CD96: variants seen among roughly 807,000 people sequenced by gnomAD.
CD96 encodes the protein T-cell surface protein tactile.
In CD96, 70 loss-of-function variants were observed where a neutral mutation model predicts 71.3. That is an observed-to-expected ratio of 0.98 (90% CI 0.81 to 1.20). The LOEUF (loss-of-function observed/expected upper bound fraction) is 1.20. Ranked by LOEUF, CD96 falls within the 50% of genes most tolerant of loss-of-function variation. The pLI, the probability that CD96 is intolerant of heterozygous loss-of-function variation, is 0.00. For synonymous variants in CD96, 248 were observed against 233.0 expected, an observed-to-expected ratio of 1.06 and a Z score of -0.59; for missense variants, 742 against 677.5, an observed-to-expected ratio of 1.10 and a Z score of -1.06.
chr3:111,617,749 G>A (rs757397743), intron 8 of CD96, among the ~76,000 whole-genome samples: 2 of 152,146 alleles, frequency 1.3e-5, no homozygotes, highest in Non-Finnish European at 2.9e-5. Flanking sequence ...CAAGAACTTG[G>A]GACCTACTGA....
At chr3:111,628,699 G>A (rs1442808611) in intron 10 of CD96, among the ~76,000 whole-genome samples, 1 of 152,060 alleles carries the variant, frequency 6.6e-6, no homozygotes, top group Non-Finnish European at 1.5e-5. Flanking sequence ...TCATTCCCAA[G>A]ACACATAATC....
chr3:111,576,875 GCT>G (rs1936243708), intron 3 of CD96, among the ~76,000 whole-genome samples: 4 of 152,060 alleles, frequency 2.6e-5, no homozygotes, highest in Admixed American at 2.6e-4. Context: ...CCTCCCATTT[GCT>G]CTGTGAAGGC....
rs1273837488 is a variant in CD96, at chr3:111,604,733, T to C, written c.1088-1967T>C. ...GTGGAAACTGAGCATAACGCACCAA[T>C]ATCTTCTGTTCCAGGAACTGGCAAC... On this transcript the variant is annotated intron_variant, in intron 7 of 13. Transcript: ENST00000352690. Among the ~76,000 whole-genome samples the C allele has an allele frequency of 4.6e-5, 7 of 152,310 alleles. 1 individual carries two copies. The South Asian group carries it at 1.2e-3, about 27-fold the overall frequency.
At chr3:111,645,350 A>T (rs147655135) in intron 12 of CD96, among the ~76,000 whole-genome samples, 2 of 152,010 alleles carry the variant, frequency 1.3e-5, no homozygotes, top group Admixed American at 6.6e-5. Flanking sequence ...GAATGACACA[A>T]TGGACTTTGG....
At chr3:111,593,998 A>T (rs959837541) in intron 5 of CD96, 1 of 1,614,062 alleles carries the variant, frequency 6.2e-7, no homozygotes, top group African/African-American at 1.3e-5. Flanking sequence ...GATGGTGCCC[A>T]GCACGAGCAG....
At chr3:111,548,978 A>G (rs1011249788) in intron 2 of CD96, among the ~76,000 whole-genome samples, 3 of 152,340 alleles carry the variant, frequency 2.0e-5, no homozygotes, top group African/African-American at 7.2e-5. Context: ...AAAGTTCAAT[A>G]GGAAGAAGTT....
At chr3:111,565,601 TA>T (rs1281457962) in intron 2 of CD96, among the ~76,000 whole-genome samples, 1 of 152,010 alleles carries the variant, frequency 6.6e-6, no homozygotes, top group Non-Finnish European at 1.5e-5. Flanking sequence ...CTTATGCAAA[TA>T]TGGCAAAAAA....
intron 5 of CD96, chr3:111,593,685 C>T (rs1258279855): frequency 1.9e-6 from 3 of 1,612,808 alleles, no homozygotes; most frequent in African/African-American, 1.3e-5. Flanking sequence ...TTTTCCACAG[C>T]CCTCTCCCGC....
chr3:111,568,116 A>C (rs1935809512), intron 3 of CD96, among the ~76,000 whole-genome samples: 1 of 152,230 alleles, frequency 6.6e-6, no homozygotes, highest in Non-Finnish European at 1.5e-5. Context: ...AAATATAAGC[A>C]GCAAATGTAT....
chr3:111,590,999 C>G (rs1456874064), intron 5 of CD96, among the ~76,000 whole-genome samples: 2 of 152,130 alleles, frequency 1.3e-5, no homozygotes, highest in Non-Finnish European at 2.9e-5. Context: ...AATTATCTGT[C>G]ATGAAACATA....
intron 6 of CD96, among the ~76,000 whole-genome samples, chr3:111,598,757 G>A (rs1188950517): frequency 6.6e-6 from 1 of 152,182 alleles, no homozygotes; most frequent in Non-Finnish European, 1.5e-5. Context: ...GTTCCTGGAG[G>A]AGGAACACAC....
At chr3:111,594,027 C>T in intron 5 of CD96, 2 of 1,614,140 alleles carry the variant, frequency 1.2e-6, no homozygotes, top group Non-Finnish European at 1.7e-6. Flanking sequence ...TGGAAATATT[C>T]CCATGCCTCA....
chr3:111,605,256 C>T (rs538172428), intron 7 of CD96, among the ~76,000 whole-genome samples: 12 of 152,296 alleles, frequency 7.9e-5, no homozygotes, highest in African/African-American at 2.2e-4. Flanking sequence ...GGGGTGATCA[C>T]ATCACAAAGA....
At chr3:111,647,464 G>A (rs1274085448) in intron 12 of CD96, 79 bp from the exon 13 acceptor site, 15 of 1,292,170 alleles carry the variant, frequency 1.2e-5, no homozygotes, top group South Asian at 4.8e-5. Flanking sequence ...TATGTTTCAC[G>A]TAGGAAAAAT....
intron 8 of CD96, among the ~76,000 whole-genome samples, chr3:111,622,956 C>T (rs1938582779): frequency 6.6e-6 from 1 of 152,194 alleles, no homozygotes; most frequent in African/African-American, 2.4e-5. Context: ...TCCACTATCC[C>T]TGTTTAGGTT....
chr3:111,552,420 T>C (rs1408116135), intron 2 of CD96, among the ~76,000 whole-genome samples: 1 of 152,180 alleles, frequency 6.6e-6, no homozygotes, highest in East Asian at 1.9e-4. Context: ...TGCCGATGTT[T>C]TGATCTTGGA....
chr3:111,602,904 C>A (rs898235540), intron 7 of CD96, among the ~76,000 whole-genome samples: 3 of 152,114 alleles, frequency 2.0e-5, no homozygotes, highest in African/African-American at 7.2e-5. Flanking sequence ...TCTCTTTGAT[C>A]CCTTTTGCTT....
At chr3:111,616,131 TAA>T (rs1216216187) in intron 8 of CD96, among the ~76,000 whole-genome samples, 1 of 152,016 alleles carries the variant, frequency 6.6e-6, no homozygotes, top group Non-Finnish European at 1.5e-5. Context: ...ACACCGTCTA[TAA>T]GTTACCTGTT....
intron 2 of CD96, among the ~76,000 whole-genome samples, chr3:111,555,577 C>G (rs1248673193): frequency 1.3e-5 from 2 of 152,302 alleles, no homozygotes; most frequent in Non-Finnish European, 2.9e-5. Flanking sequence ...TATTATTAGT[C>G]TGCTGAATGG....
Sources: allele counts gnomAD v4.1 joint callset (sites outside exome capture counted in the v4.1 genomes callset), GRCh38; gene constraint gnomAD v4.1.1; transcripts MANE v1.5; gene names NCBI Gene and HGNC (gene_info 2026-07-23, HGNC 2026-07-21).